TMEM232: variants seen among roughly 807,000 people sequenced by gnomAD.
The protein encoded by TMEM232 is transmembrane protein 232.
TMEM232 carries 80 observed loss-of-function variants against 78.8 expected under a neutral mutation model. The ratio of observed to expected loss-of-function variants is 1.01; its 90% CI spans 0.85 to 1.22. TMEM232 has a LOEUF of 1.22. Ranked by LOEUF, TMEM232 falls within the 50% of genes most tolerant of loss-of-function variation. TMEM232 has a pLI of 0.00. For synonymous variants in TMEM232, 297 were observed against 254.3 expected, an observed-to-expected ratio of 1.17 and a Z score of -1.60; for missense variants, 881 against 742.2, an observed-to-expected ratio of 1.19 and a Z score of -2.17.
chr5:110,656,635 C>G (rs138982553), intron 2 of TMEM232, among the ~76,000 whole-genome samples: 2 of 151,968 alleles, frequency 1.3e-5, no homozygotes, highest in Non-Finnish European at 2.9e-5. Flanking sequence ...GTCAGGAGAT[C>G]GAGACCATCC....
At chr5:110,645,889 A>G (rs555363092) in intron 2 of TMEM232, among the ~76,000 whole-genome samples, 1 of 151,858 alleles carries the variant, frequency 6.6e-6, no homozygotes, top group Non-Finnish European at 1.5e-5. Flanking sequence ...GGAACATACA[A>G]TAATCAGTAA....
intron 6 of TMEM232, among the ~76,000 whole-genome samples, 191 bp downstream of exon 6, chr5:110,627,590 C>T (rs1383566574): frequency 1.3e-5 from 2 of 151,826 alleles, no homozygotes; most frequent in Non-Finnish European, 2.9e-5. Flanking sequence ...AAAGAAATAA[C>T]AAAAGTATGG....
At chr5:110,687,290 A>G (rs1793535701) in intron 1 of TMEM232, among the ~76,000 whole-genome samples, 1 of 152,116 alleles carries the variant, frequency 6.6e-6, no homozygotes, top group African/African-American at 2.4e-5. Context: ...CTTTCCTTTA[A>G]AAACCCACGT....
At chr5:110,430,600 T>TTTTTG in intron 12 of TMEM232, among the ~76,000 whole-genome samples, 1 of 151,732 alleles carries the variant, frequency 6.6e-6, no homozygotes, top group South Asian at 2.1e-4. Flanking sequence ...TAAAAATATG[T>TTTTTG]TTTTGTTTTC....
chr5:110,679,229 G>A (rs1034448377), intron 1 of TMEM232, among the ~76,000 whole-genome samples: 2 of 152,128 alleles, frequency 1.3e-5, no homozygotes, highest in African/African-American at 4.8e-5. Context: ...TTCTAATAGT[G>A]TGTGTAGTAT....
chr5:110,699,307 A>G (rs1795174787), intron 1 of TMEM232, among the ~76,000 whole-genome samples: 2 of 151,952 alleles, frequency 1.3e-5, no homozygotes, highest in South Asian at 4.1e-4. Context: ...GACAAAGGAG[A>G]GAAGAGGGGA....
chr5:110,545,703 T>G (rs937823712), intron 11 of TMEM232, among the ~76,000 whole-genome samples: 1 of 152,128 alleles, frequency 6.6e-6, no homozygotes, highest in African/African-American at 2.4e-5. Flanking sequence ...AAATTTTGTT[T>G]TAAAGATTGC....
chr5:110,684,083 T>C lies in TMEM232; in HGVS notation c.-12-16719A>G, dbSNP rs376229914. Reference sequence around the variant, plus strand: ...TCTCCTTATTTTAATTAAATGTATCTAGGAAAAACTAAAACAAACATGATA... The same window carrying C: ...TCTCCTTATTTTAATTAAATGTATCCAGGAAAAACTAAAACAAACATGATA... On this transcript the variant is annotated intron_variant, in intron 1 of 13. Transcript: ENST00000455884. 3.7e-4 allele frequency among the ~76,000 whole-genome samples: 57 copies of C among 152,040 alleles called. No individual in the cohort carries two copies. In the East Asian group the frequency reaches 5.8e-3, roughly 15 times the overall value.
intron 2 of TMEM232, among the ~76,000 whole-genome samples, chr5:110,410,519 A>T (rs532191304): frequency 1.3e-5 from 2 of 152,316 alleles, no homozygotes; most frequent in South Asian, 4.1e-4. Flanking sequence ...GCCACACTCA[A>T]TTGGATGGCA....
At position 110,427,578 on chromosome 5, in the gene TMEM232, G is replaced by C. The variant is rs956521294; in HGVS notation, c.1704-2662C>G. On this transcript the variant is annotated intron_variant, in intron 12 of 13. Coordinates refer to ENST00000455884, the MANE Select transcript of TMEM232 (RefSeq NM_001039763.4). ...TTAACAAATTACCACAAACTAGGAG[G>C]CTTAGATAAACAGAAATTCATTCTC... Among the ~76,000 whole-genome samples, 11 of 152,018 alleles carry C rather than the reference G, an allele frequency of 7.2e-5. 1 individual carries two copies. The East Asian group carries it at 7.7e-4, about 11-fold the overall frequency.
intron 12 of TMEM232, among the ~76,000 whole-genome samples, chr5:110,490,545 A>T (rs574992776): frequency 1.3e-5 from 2 of 152,288 alleles, no homozygotes; most frequent in South Asian, 4.1e-4. Flanking sequence ...GTGGAACAAG[A>T]ATAGCCAAAA....
chr5:110,393,883 G>T (rs558409691), intron 3 of TMEM232, among the ~76,000 whole-genome samples: 2 of 150,728 alleles, frequency 1.3e-5, no homozygotes, highest in East Asian at 3.9e-4. Context: ...ACTTGAACCC[G>T]GGAGGCAGAG....
At chr5:110,465,690 C>G (rs1266494375) in intron 12 of TMEM232, among the ~76,000 whole-genome samples, 9 of 151,990 alleles carry the variant, frequency 5.9e-5, no homozygotes, top group Non-Finnish European at 1.5e-5. Context: ...ATGATATATC[C>G]TCAAATTCAT....
intron 11 of TMEM232, among the ~76,000 whole-genome samples, chr5:110,538,068 T>C (rs1772619887): frequency 6.6e-6 from 1 of 152,204 alleles, no homozygotes; most frequent in Non-Finnish European, 1.5e-5. Context: ...CCGGGCTAAA[T>C]TTCTTGAGGC....
At chr5:110,555,620 T>C (rs771475193) in intron 11 of TMEM232, among the ~76,000 whole-genome samples, 15 of 152,180 alleles carry the variant, frequency 9.9e-5, no homozygotes, top group East Asian at 3.8e-4. Context: ...ACTATTATTA[T>C]GTGGTTATGT....
chr5:110,612,309 T>C (rs114357228), intron 8 of TMEM232, among the ~76,000 whole-genome samples: 295 of 152,276 alleles, frequency 1.9e-3, no homozygotes, highest in African/African-American at 6.9e-3. Flanking sequence ...GCAGCATATA[T>C]AGTGGGTATT....
intron 12 of TMEM232, among the ~76,000 whole-genome samples, chr5:110,506,500 G>A (rs1766922529): frequency 6.6e-6 from 1 of 152,122 alleles, no homozygotes; most frequent in Non-Finnish European, 1.5e-5. Flanking sequence ...TCCCACTGTT[G>A]TGACTCCCCA....
chr5:110,436,434 T>A lies in TMEM232; in HGVS notation c.1704-11518A>T, dbSNP rs1758442904. Reference sequence around the variant, plus strand: ...CTCTTCACTTTGTTGACTGCTTCATTTGCTGTGCAGAAGTTTTTAAACTTT... The same window carrying A: ...CTCTTCACTTTGTTGACTGCTTCATATGCTGTGCAGAAGTTTTTAAACTTT... On this transcript the variant is annotated intron_variant, in intron 12 of 13. Transcript: ENST00000455884. 3.3e-5 allele frequency among the ~76,000 whole-genome samples: 5 copies of A among 152,082 alleles called. No individual in the cohort carries two copies. The South Asian group carries it at 8.3e-4, about 25-fold the overall frequency.
chr5:110,442,172 A>T (rs1285600016), intron 12 of TMEM232, among the ~76,000 whole-genome samples: 3 of 152,002 alleles, frequency 2.0e-5, no homozygotes, highest in Non-Finnish European at 2.9e-5. Context: ...TAGGTTTGGG[A>T]AGTTCTATGA....
Sources: gnomAD v4.1 joint callset for allele counts (sites outside exome capture counted in the v4.1 genomes callset) on GRCh38, gnomAD v4.1.1 for gene constraint, MANE v1.5 for transcripts, NCBI Gene and HGNC (gene_info 2026-07-23, HGNC 2026-07-21) for gene names.